AGAP1: variants seen among roughly 807,000 people sequenced by gnomAD.
The protein encoded by AGAP1 is ArfGAP with GTPase domain, ankyrin repeat and PH domain 1.
In AGAP1, 29 loss-of-function variants were observed where a neutral mutation model predicts 105.3. The observed-to-expected ratio is 0.28, with a 90% CI of 0.21 to 0.38. The LOEUF (loss-of-function observed/expected upper bound fraction) is 0.38. AGAP1 is among the 10% of genes least tolerant of loss of function. AGAP1 has a pLI of 1.00. For missense variants in AGAP1, 998 were observed against 1,165.1 expected (o/e 0.86, Z 2.09); for synonymous variants, 509 against 485.9 (o/e 1.05, Z -0.63).
chr2:235,557,378 C>T lies in AGAP1; in HGVS notation c.163+62529C>T, dbSNP rs967128616. Among the ~76,000 whole-genome samples the T allele has an allele frequency of 7.2e-5, 11 of 152,026 alleles. No homozygotes were observed. Among genetic ancestry groups the T allele is most frequent in the South Asian group, 4.2e-4 (2 of 4,816 alleles). On this transcript the variant is annotated intron_variant, in intron 1 of 17. Coordinates refer to ENST00000304032, the MANE Select transcript of AGAP1 (RefSeq NM_001037131.3). This position sits in a 1 kb window ranked among gnomAD's most constrained non-coding sequence, Gnocchi z 4.7. Reference sequence around the variant, plus strand: ...CTGGAAAGGCTTGTCCATGTATCGCCGTTGGGAAGGGAAATCACTCCGAAG... The same window carrying T: ...CTGGAAAGGCTTGTCCATGTATCGCTGTTGGGAAGGGAAATCACTCCGAAG...
At chr2:236,010,282 T>C (rs2056466149) in intron 13 of AGAP1, among the ~76,000 whole-genome samples, 1 of 152,224 alleles carries the variant, frequency 6.6e-6, no homozygotes, top group Non-Finnish European at 1.5e-5. Context: ...TGATTCCAGC[T>C]ACTCTAACTT....
rs1944671763 is a variant in AGAP1, at chr2:235,574,530, T to C, written c.163+79681T>C. 6.6e-6 allele frequency among the ~76,000 whole-genome samples: 1 copy of C among 152,228 alleles called. No homozygotes were observed. Among genetic ancestry groups the C allele is most frequent in the Non-Finnish European group, 1.5e-5 (1 of 68,046 alleles). On this transcript the variant is annotated intron_variant, in intron 1 of 17. Transcript: ENST00000304032. This position sits in a 1 kb window ranked among gnomAD's most constrained non-coding sequence, Gnocchi z 5.0. Reference sequence around the variant, plus strand: ...ATCAGATTATACCTTTAAATCTCTTTAAACACTTCCCACCACTGAAGTCTT... The same window carrying C: ...ATCAGATTATACCTTTAAATCTCTTCAAACACTTCCCACCACTGAAGTCTT...
rs1575229602 is a variant in AGAP1 at position 235,723,166 on chromosome 2, C to T, written c.310+5522C>T. Among the ~76,000 whole-genome samples, 1 of 152,304 alleles carries T rather than the reference C, an allele frequency of 6.6e-6. No individual in the cohort carries two copies. The highest frequency in any genetic ancestry group is 1.9e-4 in the East Asian group (1 of 5,172). ...CACACCTCTGAGGACAATTTCACAG[C>T]TGCCGTTCACTTCCTATAAAGAGAA... is the stretch of plus-strand genomic sequence containing the variant. On this transcript the variant is annotated intron_variant, in intron 3 of 17. Transcript: ENST00000304032. The surrounding 1 kb of genome is among the most constrained non-coding windows in gnomAD (Gnocchi z 6.2).
intron 1 of AGAP1, among the ~76,000 whole-genome samples, chr2:235,498,509 G>A (rs777166588): frequency 6.6e-5 from 10 of 152,220 alleles, no homozygotes; most frequent in African/African-American, 1.7e-4. Flanking sequence ...TCTGAACAGC[G>A]TGTGTTAGTT....
chr2:235,833,780 G>T (rs899264009), intron 9 of AGAP1, among the ~76,000 whole-genome samples: 1 of 150,844 alleles, frequency 6.6e-6, no homozygotes, highest in Non-Finnish European at 1.5e-5. Flanking sequence ...GCATGTTTAT[G>T]AATACATGTG....
rs974272955 is a variant in AGAP1 at position 235,864,132 on chromosome 2, G to A, written c.1051-19213G>A. Among the ~76,000 whole-genome samples the A allele has an allele frequency of 3.3e-5, 5 of 152,224 alleles. No homozygotes were observed. Among genetic ancestry groups the A allele is most frequent in the African/African-American group, 9.6e-5 (4 of 41,464 alleles). Reference sequence around the variant, plus strand: ...ATTTAATAAACAGTTGCTGTAGCATGTGTAATCTTTGCAGTGACAACAATT... The same window carrying A: ...ATTTAATAAACAGTTGCTGTAGCATATGTAATCTTTGCAGTGACAACAATT... On this transcript the variant is annotated intron_variant, in intron 9 of 17. Transcript: ENST00000304032. This position sits in a 1 kb window ranked among gnomAD's most constrained non-coding sequence, Gnocchi z 5.0.
intron 1 of AGAP1, among the ~76,000 whole-genome samples, chr2:235,563,333 G>T (rs978381960): frequency 6.6e-6 from 1 of 152,078 alleles, no homozygotes; most frequent in Non-Finnish European, 1.5e-5. Flanking sequence ...CTGCCTCTGT[G>T]CCCTCCTGTC....
chr2:235,558,006 T>C (rs1944025546), intron 1 of AGAP1, among the ~76,000 whole-genome samples: 2 of 152,150 alleles, frequency 1.3e-5, no homozygotes, highest in South Asian at 4.1e-4. Context: ...AAGTGGTCTT[T>C]AGAGGCAGAT....
chr2:235,794,854 T>C (rs1185502445), intron 6 of AGAP1, among the ~76,000 whole-genome samples: 1 of 152,154 alleles, frequency 6.6e-6, no homozygotes, highest in African/African-American at 2.4e-5. Context: ...AACATATTTA[T>C]GTCTATGCAC....
In AGAP1 at chr2:235,517,735, G is replaced by C. The variant is rs1942447614; in HGVS notation, c.163+22886G>C. 6.6e-6 allele frequency among the ~76,000 whole-genome samples: 1 copy of C among 152,018 alleles called. No homozygotes were observed. Among genetic ancestry groups the C allele is most frequent in the Admixed American group, 6.6e-5 (1 of 15,258 alleles). ...ACAGATCACTTGAGGTCAGGAGTTC[G>C]AGACCAGCCTGGCCAACATGGTGAA... On this transcript the variant is annotated intron_variant, in intron 1 of 17. Coordinates refer to ENST00000304032, the MANE Select transcript of AGAP1 (RefSeq NM_001037131.3). The surrounding 1 kb of genome is among the most constrained non-coding windows in gnomAD (Gnocchi z 4.1).
chr2:235,587,526 C>T (rs765321587), intron 1 of AGAP1, among the ~76,000 whole-genome samples: 6 of 151,436 alleles, frequency 4.0e-5, no homozygotes, highest in Non-Finnish European at 5.9e-5. Context: ...CTGAGGTGGG[C>T]GGATCACTTG....
chr2:235,671,935 G>A (rs1436050847), intron 1 of AGAP1, among the ~76,000 whole-genome samples: 3 of 152,164 alleles, frequency 2.0e-5, no homozygotes, highest in Non-Finnish European at 4.4e-5. Flanking sequence ...ATCACCCTGA[G>A]GGGGATTCTG....
At chr2:236,122,461 C>T (rs2059922583) in intron 17 of AGAP1, among the ~76,000 whole-genome samples, 1 of 152,170 alleles carries the variant, frequency 6.6e-6, no homozygotes, top group Non-Finnish European at 1.5e-5. Context: ...TTTGATGGCG[C>T]TGGTTCCATG....
rs542244091 is a variant in AGAP1 at position 235,930,479 on chromosome 2, G to C, written c.1325-286G>C. On this transcript the variant is annotated intron_variant, in intron 11 of 17. Coordinates refer to ENST00000304032, the MANE Select transcript of AGAP1 (RefSeq NM_001037131.3). The surrounding 1 kb of genome is among the most constrained non-coding windows in gnomAD (Gnocchi z 7.9). ...TGTCTTCACTTCCACTCGATGTTGC[G>C]GTTGCGGTTGGGTTGCGTCTTTGTA... Among the ~76,000 whole-genome samples the C allele has an allele frequency of 2.2e-4, 33 of 152,302 alleles. No individual in the cohort carries two copies. Among genetic ancestry groups the C allele is most frequent in the Non-Finnish European group, 4.9e-4 (33 of 68,034 alleles).
intron 13 of AGAP1, among the ~76,000 whole-genome samples, chr2:236,032,303 A>G (rs1280122077): frequency 2.6e-5 from 4 of 152,238 alleles, no homozygotes; most frequent in Admixed American, 2.6e-4. Context: ...TATGCTGCTT[A>G]GTACCCCTTA....
Position 235,744,425 on chromosome 2 carries a change from C to G in AGAP1, c.397-273C>G, listed in dbSNP as rs112907356. Among the ~76,000 whole-genome samples, 3,297 of 152,250 alleles carry G rather than the reference C, an allele frequency of 0.022. 104 individuals are homozygous for G. The highest frequency in any genetic ancestry group is 0.068 in the African/African-American group (2,835 of 41,532). ...GCCAGGAGCATGAGGACCGCGGGGACACTGTGTGGTTTGTGTCCTCTGAAG... is the reference window on the plus strand; with the variant it reads ...GCCAGGAGCATGAGGACCGCGGGGAGACTGTGTGGTTTGTGTCCTCTGAAG... On this transcript the variant is annotated intron_variant, in intron 4 of 17. Coordinates refer to ENST00000304032, the MANE Select transcript of AGAP1 (RefSeq NM_001037131.3). The surrounding 1 kb of genome is among the most constrained non-coding windows in gnomAD (Gnocchi z 5.2).
chr2:235,985,246 G>T (rs563677434), intron 13 of AGAP1, among the ~76,000 whole-genome samples: 1 of 152,188 alleles, frequency 6.6e-6, no homozygotes, highest in Middle Eastern at 3.2e-3. Context: ...CTGCATAAAT[G>T]TCTTCTTTTG....
intron 9 of AGAP1, among the ~76,000 whole-genome samples, chr2:235,878,136 T>C (rs2049837891): frequency 6.6e-6 from 1 of 152,172 alleles, no homozygotes; most frequent in South Asian, 2.1e-4. Flanking sequence ...GTATGGGTGC[T>C]GCGGCTGCTG....
At chr2:235,707,069 G>A (rs1950571558) in intron 1 of AGAP1, among the ~76,000 whole-genome samples, 1 of 152,166 alleles carries the variant, frequency 6.6e-6, no homozygotes, top group African/African-American at 2.4e-5. Context: ...GTGGTGTTTG[G>A]GTGCACAATT....
Sources: gnomAD v4.1 joint callset for allele counts (sites outside exome capture counted in the v4.1 genomes callset) on GRCh38, gnomAD v4.1.1 for gene constraint, Gnocchi (gnomAD v3.1) non-coding constraint, MANE v1.5 for transcripts, NCBI Gene and HGNC (gene_info 2026-07-23, HGNC 2026-07-21) for gene names.